The following TMPRSS15 variants were observed in gnomAD, a reference collection of about 807,000 sequenced individuals.
TMPRSS15 encodes the protein enteropeptidase.
A neutral mutation model predicts 125.3 loss-of-function variants in TMPRSS15; 128 were observed. The ratio of observed to expected loss-of-function variants is 1.02; its 90% CI spans 0.89 to 1.18. The LOEUF (loss-of-function observed/expected upper bound fraction) is 1.18. Ranked by LOEUF, TMPRSS15 falls within the 50% of genes most tolerant of loss-of-function variation. The pLI is 0.00. For missense variants in TMPRSS15, 1,283 were observed against 1,212.7 expected, an observed-to-expected ratio of 1.06 and a Z score of -0.86; for synonymous variants, 446 against 423.2, an observed-to-expected ratio of 1.05 and a Z score of -0.66.
At chr21:18,305,628 A>G (rs1367991559) in intron 18 of TMPRSS15, among the ~76,000 whole-genome samples, 2 of 152,204 alleles carry the variant, frequency 1.3e-5, no homozygotes, top group Non-Finnish European at 2.9e-5. Context: ...CTTATGTATA[A>G]CCAGGCTGTA....
Position 18,343,499 on chromosome 21 carries a change from T to A in TMPRSS15, c.1428+7A>T. The A allele has an allele frequency of 6.3e-7, 1 of 1,598,434 alleles. No individual in the cohort carries two copies. The highest frequency in any genetic ancestry group is 8.6e-7 in the Non-Finnish European group (1 of 1,166,674). Reference sequence around the variant, plus strand: ...TACAAATATAAATAATAAAGTATTTTGCAAACCTTAAATTTAACTGTTTCA... The same window carrying A: ...TACAAATATAAATAATAAAGTATTTAGCAAACCTTAAATTTAACTGTTTCA... On this transcript the variant is annotated splice_region_variant and intron_variant, in intron 12 of 24. Transcript: ENST00000284885.
chr21:18,392,323 C>T (rs887301387), intron 3 of TMPRSS15, among the ~76,000 whole-genome samples: 4 of 152,142 alleles, frequency 2.6e-5, no homozygotes, highest in Non-Finnish European at 1.5e-5. Flanking sequence ...ATTTCTCCTG[C>T]CAGATACCTT....
At chr21:18,333,053 T>C (rs2075360022) in intron 13 of TMPRSS15, among the ~76,000 whole-genome samples, 1 of 152,106 alleles carries the variant, frequency 6.6e-6, no homozygotes, top group African/African-American at 2.4e-5. Context: ...TGAGAGCACA[T>C]GGACACACAG....
At chr21:18,350,517 C>G (rs184028879) in intron 10 of TMPRSS15, among the ~76,000 whole-genome samples, 1 of 152,106 alleles carries the variant, frequency 6.6e-6, no homozygotes, top group Admixed American at 6.6e-5. Flanking sequence ...TGCCCTCGCA[C>G]AAACTATCTT....
Position 18,388,476 on chromosome 21 carries a change from G to A in TMPRSS15, c.345-4698C>T, listed in dbSNP as rs186830827. 1.1e-3 allele frequency among the ~76,000 whole-genome samples: 169 copies of A among 152,224 alleles called. 1 individual carries two copies. Among genetic ancestry groups the A allele is most frequent in the African/African-American group, 3.1e-3 (130 of 41,552 alleles). ...ATTTTCCCAACCTAATGTAAGTGAA[G>A]TTATCCAGCATGTTGTAGACATGTA... On this transcript the variant is annotated intron_variant, in intron 3 of 24. Coordinates refer to ENST00000284885, the MANE Select transcript of TMPRSS15 (RefSeq NM_002772.3).
At chr21:18,423,319 C>A (rs140386182) in intron 1 of TMPRSS15, among the ~76,000 whole-genome samples, 239 of 152,174 alleles carry the variant, frequency 1.6e-3, no homozygotes, top group Non-Finnish European at 2.6e-3. Flanking sequence ...TGTTAGTGAC[C>A]TTTCTCTGAT....
chr21:18,305,141 T>TC (rs1274252545), intron 18 of TMPRSS15, among the ~76,000 whole-genome samples: 27 of 150,782 alleles, frequency 1.8e-4, no homozygotes, highest in African/African-American at 6.6e-4. Context: ...ACTTTTGGGT[T>TC]CAATAGGCCA....
chr21:18,318,778 A>T (rs74845000), intron 16 of TMPRSS15, among the ~76,000 whole-genome samples: 2,103 of 152,322 alleles, frequency 0.014, 120 homozygotes, highest in Admixed American at 0.11. Flanking sequence ...TTTTGCTTAT[A>T]TGGTCATTGA....
intron 1 of TMPRSS15, among the ~76,000 whole-genome samples, chr21:18,403,128 T>C (rs2076112128): frequency 6.6e-6 from 1 of 152,218 alleles, no homozygotes; most frequent in South Asian, 2.1e-4. Flanking sequence ...ATTTAAATTA[T>C]ATCAAAACAA....
chr21:18,379,204 G>A, intron 5 of TMPRSS15, 79 bp downstream of exon 5: 1 of 601,252 alleles, frequency 1.7e-6, no homozygotes, highest in Non-Finnish European at 2.6e-6. Flanking sequence ...AGGCACCAGA[G>A]ACTTCTCAGG....
intron 1 of TMPRSS15, among the ~76,000 whole-genome samples, chr21:18,471,590 T>C (rs1344213268): frequency 6.6e-6 from 1 of 152,092 alleles, no homozygotes; most frequent in East Asian, 1.9e-4. Context: ...AGAATAAGTA[T>C]GTGGGATAGA....
intron 6 of TMPRSS15, among the ~76,000 whole-genome samples, chr21:18,365,556 CTCT>C (rs1445259073): frequency 2.8e-4 from 28 of 101,042 alleles, no homozygotes; most frequent in Non-Finnish European, 7.7e-5. Flanking sequence ...TTCCTTTTCT[CTCT>C]TTCTTTCTCT....
At chr21:18,424,467 G>A (rs1354908692) in intron 1 of TMPRSS15, among the ~76,000 whole-genome samples, 1 of 152,156 alleles carries the variant, frequency 6.6e-6, no homozygotes, top group East Asian at 1.9e-4. Context: ...GCCAGTTAAA[G>A]TCAGAAAAAG....
chr21:18,304,955 A>T (rs2075014556), intron 18 of TMPRSS15, among the ~76,000 whole-genome samples: 1 of 152,138 alleles, frequency 6.6e-6, no homozygotes, highest in African/African-American at 2.4e-5. Flanking sequence ...AAGCCGAAGT[A>T]GGAGCGACAG....
intron 21 of TMPRSS15, among the ~76,000 whole-genome samples, chr21:18,286,319 A>G (rs1046015585): frequency 6.6e-6 from 1 of 152,188 alleles, no homozygotes; most frequent in African/African-American, 2.4e-5. Flanking sequence ...TCATTATTTT[A>G]AATACCTACA....
chr21:18,328,214 C>T (rs990724668), intron 15 of TMPRSS15, among the ~76,000 whole-genome samples: 19 of 152,056 alleles, frequency 1.2e-4, no homozygotes, highest in African/African-American at 4.6e-4. Context: ...AAAATTTCCT[C>T]TACAAGAGTA....
chr21:18,299,707 C>T (rs751793620), intron 18 of TMPRSS15, among the ~76,000 whole-genome samples: 7 of 152,164 alleles, frequency 4.6e-5, no homozygotes, highest in East Asian at 3.8e-4. Flanking sequence ...TAGTTTTCCA[C>T]GTTCTTGACT....
chr21:18,443,413 A>G (rs2076247392), intron 1 of TMPRSS15, among the ~76,000 whole-genome samples: 1 of 152,190 alleles, frequency 6.6e-6, no homozygotes, highest in African/African-American at 2.4e-5. Flanking sequence ...TGAATGAGTG[A>G]CAGCCCCTTG....
chr21:18,470,411 A>G (rs1172115055), intron 1 of TMPRSS15, among the ~76,000 whole-genome samples: 1 of 152,030 alleles, frequency 6.6e-6, no homozygotes, highest in Non-Finnish European at 1.5e-5. Flanking sequence ...AAATTTCTAT[A>G]CAATTATACT....
Sources: allele counts gnomAD v4.1 joint callset (sites outside exome capture counted in the v4.1 genomes callset), GRCh38; gene constraint gnomAD v4.1.1; transcripts MANE v1.5; gene names NCBI Gene and HGNC (gene_info 2026-07-23, HGNC 2026-07-21).